The following CLSTN1 variants were observed in gnomAD, a reference collection of about 807,000 sequenced individuals.
The protein encoded by CLSTN1 is calsyntenin 1.
In CLSTN1, 28 loss-of-function variants were observed where a neutral mutation model predicts 108.3. The ratio of observed to expected loss-of-function variants is 0.26; its 90% CI spans 0.19 to 0.35. CLSTN1 has a LOEUF of 0.35. CLSTN1 is among the 10% of genes least tolerant of loss of function. The pLI is 1.00. For synonymous variants in CLSTN1, 524 were observed against 534.9 expected, an observed-to-expected ratio of 0.98 and a Z score of 0.28; for missense variants, 1,157 against 1,302.6, an observed-to-expected ratio of 0.89 and a Z score of 1.72.
chr1:9,784,104 G>A (rs1462124169), intron 1 of CLSTN1, among the ~76,000 whole-genome samples: 16 of 150,164 alleles, frequency 1.1e-4, no homozygotes, highest in African/African-American at 1.7e-4. Context: ...CCAGGGTGAC[G>A]GAGGTTGCAA....
chr1:9,810,146 A>G (rs892094240), intron 1 of CLSTN1, among the ~76,000 whole-genome samples: 8 of 34,150 alleles, frequency 2.3e-4, no homozygotes, highest in Non-Finnish European at 3.5e-4. Flanking sequence ...GGAGGAAAGG[A>G]GGGGAAGGAG....
intron 1 of CLSTN1, among the ~76,000 whole-genome samples, chr1:9,785,207 C>G (rs539382949): frequency 6.6e-6 from 1 of 152,106 alleles, no homozygotes; most frequent in Non-Finnish European, 1.5e-5. Flanking sequence ...AGGGTTTCAC[C>G]ATGTTGGCCA....
intron 1 of CLSTN1, among the ~76,000 whole-genome samples, chr1:9,811,064 G>A (rs993553275): frequency 1.3e-5 from 2 of 152,072 alleles, no homozygotes; most frequent in Non-Finnish European, 2.9e-5. Context: ...AAAAAGTCTA[G>A]AAAAAGACAA....
chr1:9,737,476 T>C (rs777751421), intron 11 of CLSTN1, 22 bp downstream of exon 11: 41 of 1,605,826 alleles, frequency 2.6e-5, no homozygotes, highest in Admixed American at 8.3e-5. Context: ...CAATAGTGAA[T>C]GTAGGGAAAA....
chr1:9,737,397 G>T (rs1381439862), intron 11 of CLSTN1, 101 bp downstream of exon 11: 31 of 1,074,750 alleles, frequency 2.9e-5, no homozygotes, highest in Middle Eastern at 2.1e-4. Flanking sequence ...ATGGTGTCCA[G>T]GACCAAAATG....
intron 1 of CLSTN1, among the ~76,000 whole-genome samples, chr1:9,806,742 G>A (rs1352607821): frequency 6.6e-6 from 1 of 152,042 alleles, no homozygotes; most frequent in East Asian, 1.9e-4. Context: ...AACCGGGCGT[G>A]GTGGCGGGCA....
chr1:9,749,104 G>C (rs1049040247), intron 7 of CLSTN1, among the ~76,000 whole-genome samples: 1 of 149,520 alleles, frequency 6.7e-6, no homozygotes, highest in Non-Finnish European at 1.5e-5. Context: ...GGGTATCGCT[G>C]TGTTGCCCAG....
At position 9,774,287 on chromosome 1, in the gene CLSTN1, C is replaced by G. The variant is rs573236653; in HGVS notation, c.92-893G>C. ...CAAGAGTGTTTAAGAATAATCCATC[C>G]GGGCGTGGTGGCTCACGCCTATAAT... On this transcript the variant is annotated intron_variant, in intron 1 of 18. Transcript: ENST00000377298. Among the ~76,000 whole-genome samples the G allele has an allele frequency of 4.6e-5, 7 of 152,162 alleles. No homozygotes were observed. In the East Asian group the frequency reaches 1.4e-3, roughly 29 times the overall value.
chr1:9,748,085 G>A (rs1031154278), intron 7 of CLSTN1, among the ~76,000 whole-genome samples: 2 of 151,756 alleles, frequency 1.3e-5, no homozygotes, highest in Non-Finnish European at 2.9e-5. Context: ...TCTCATGGTT[G>A]TTATCAGGCT....
intron 1 of CLSTN1, among the ~76,000 whole-genome samples, chr1:9,782,801 G>A (rs1005878852): frequency 3.3e-5 from 5 of 152,086 alleles, no homozygotes; most frequent in African/African-American, 9.7e-5. Flanking sequence ...GAGGTCAGGA[G>A]TTCAAGACCA....
At chr1:9,785,360 C>T (rs1327648527) in intron 1 of CLSTN1, among the ~76,000 whole-genome samples, 1 of 151,914 alleles carries the variant, frequency 6.6e-6, no homozygotes, top group Non-Finnish European at 1.5e-5. Flanking sequence ...AGACTGAACA[C>T]TGCCAAAGAA....
chr1:9,731,638 G>A, intron 17 of CLSTN1, 123 bp downstream of exon 17: 1 of 1,028,954 alleles, frequency 9.7e-7, no homozygotes, highest in Non-Finnish European at 1.5e-6. Context: ...GTGTGTGATG[G>A]GGAATAATTG....
Position 9,823,369 on chromosome 1 carries a change from C to G in CLSTN1, c.91+274G>C, listed in dbSNP as rs1051269506. The stretch of plus-strand genomic sequence containing the variant: ...GCAGCCCAGGCTCAGGAGCCCCGCC[C>G]GGGACGGAGCCTGGCTTCCCCGGGA... On this transcript the variant is annotated intron_variant, in intron 1 of 18. Coordinates refer to ENST00000377298, the MANE Select transcript of CLSTN1 (RefSeq NM_001009566.3). This position sits in a 1 kb window ranked among gnomAD's most constrained non-coding sequence, Gnocchi z 6.3. 6.6e-6 allele frequency among the ~76,000 whole-genome samples: 1 copy of G among 152,162 alleles called. No individual in the cohort carries two copies. The highest frequency in any genetic ancestry group is 2.4e-5 in the African/African-American group (1 of 41,444).
At chr1:9,798,306 A>G (rs942328679) in intron 1 of CLSTN1, among the ~76,000 whole-genome samples, 1 of 152,212 alleles carries the variant, frequency 6.6e-6, no homozygotes, top group African/African-American at 2.4e-5. Context: ...AGCACTATTC[A>G]CAACAGCCAA....
At chr1:9,789,605 C>CAATA (rs1395301008) in intron 1 of CLSTN1, among the ~76,000 whole-genome samples, 1 of 151,466 alleles carries the variant, frequency 6.6e-6, no homozygotes, top group Non-Finnish European at 1.5e-5. Flanking sequence ...CTTCCCCTCT[C>CAATA]AATACCGCAT....
intron 1 of CLSTN1, among the ~76,000 whole-genome samples, chr1:9,777,916 A>C (rs1363721621): frequency 6.6e-6 from 1 of 152,050 alleles, no homozygotes; most frequent in Non-Finnish European, 1.5e-5. Context: ...TCTGTTGAAA[A>C]GGTCCTTCCT....
chr1:9,796,975 C>T (rs1462328003), intron 1 of CLSTN1, among the ~76,000 whole-genome samples: 3 of 152,100 alleles, frequency 2.0e-5, no homozygotes, highest in Admixed American at 1.3e-4. Context: ...GAGACTCACA[C>T]TAGAACAAAA....
chr1:9,779,036 A>AAAGAAGAAG (rs550799833), intron 1 of CLSTN1, among the ~76,000 whole-genome samples: 1 of 151,234 alleles, frequency 6.6e-6, no homozygotes, highest in Non-Finnish European at 1.5e-5. Flanking sequence ...AAAAAAAAAA[A>AAAGAAGAAG]AAGAAGAAGA....
intron 4 of CLSTN1, among the ~76,000 whole-genome samples, chr1:9,753,620 A>C (rs1183685587): frequency 6.6e-6 from 1 of 151,354 alleles, no homozygotes; most frequent in Non-Finnish European, 1.5e-5. Flanking sequence ...GCCTCCCGAG[A>C]AGCAGGGACT....
Sources: allele counts gnomAD v4.1 joint callset (sites outside exome capture counted in the v4.1 genomes callset), GRCh38; gene constraint gnomAD v4.1.1; non-coding constraint Gnocchi (gnomAD v3.1); transcripts MANE v1.5; gene names NCBI Gene and HGNC (gene_info 2026-07-23, HGNC 2026-07-21).